CADM2: variants seen among roughly 807,000 people sequenced by gnomAD.
CADM2 encodes immunoglobulin superfamily member 4D.
CADM2 carries 12 observed loss-of-function variants against 49.8 expected under a neutral mutation model. That is an observed-to-expected ratio of 0.24 (90% CI 0.15 to 0.39). The LOEUF is 0.39. Ranked by LOEUF, CADM2 falls within the 10% of genes least tolerant of loss-of-function variation. The pLI, the probability that CADM2 is intolerant of heterozygous loss-of-function variation, is 1.00. For missense variants in CADM2, 378 were observed against 492.3 expected, an observed-to-expected ratio of 0.77 and a Z score of 2.20; for synonymous variants, 214 against 175.4, an observed-to-expected ratio of 1.22 and a Z score of -1.74.
intron 8 of CADM2, 47 bp downstream of exon 8, chr3:85,961,694 G>A (rs768542353): frequency 1.5e-6 from 2 of 1,374,732 alleles, no homozygotes; most frequent in African/African-American, 2.9e-5. Context: ...TGCATAACTT[G>A]AAAAACTATT....
chr3:85,504,495 G>A (rs2107671230), intron 1 of CADM2, among the ~76,000 whole-genome samples: 1 of 152,306 alleles, frequency 6.6e-6, no homozygotes, highest in East Asian at 1.9e-4. Flanking sequence ...ACATCCTGCT[G>A]ATTGGTAGAG....
chr3:85,546,379 A>ATT (rs2061670499), intron 1 of CADM2, among the ~76,000 whole-genome samples: 1 of 152,194 alleles, frequency 6.6e-6, no homozygotes, highest in Admixed American at 6.5e-5. Context: ...TAAACAATTA[A>ATT]AACAGCTAAT....
At chr3:85,151,053 C>T (rs2039907325) in intron 1 of CADM2, among the ~76,000 whole-genome samples, 1 of 151,818 alleles carries the variant, frequency 6.6e-6, no homozygotes, top group African/African-American at 2.4e-5. Flanking sequence ...CTTCCAAGTT[C>T]TGTGAGCAGA....
At chr3:85,057,229 C>A (rs1415432241) in intron 1 of CADM2, among the ~76,000 whole-genome samples, 4 of 151,910 alleles carry the variant, frequency 2.6e-5, no homozygotes, top group Admixed American at 6.6e-5. Flanking sequence ...AGCATATTTG[C>A]CGTGAAAAAA....
In CADM2 at chr3:85,349,421, T is replaced by C. The variant is rs552491039; in HGVS notation, c.62-377101T>C. 3.3e-5 allele frequency among the ~76,000 whole-genome samples: 5 copies of C among 152,312 alleles called. 1 individual carries two copies. The highest frequency in any genetic ancestry group is 9.6e-5 in the African/African-American group (4 of 41,576). On this transcript the variant is annotated intron_variant, in intron 1 of 9. Coordinates refer to ENST00000383699, the MANE Select transcript of CADM2 (RefSeq NM_001167675.2). ...TTCAGGGTATTATTGTTCATTGATG[T>C]TTATCCTAGGCATTTATTTCTAAAG...
chr3:85,134,283 C>G (rs922476592), intron 1 of CADM2, among the ~76,000 whole-genome samples: 1 of 152,216 alleles, frequency 6.6e-6, no homozygotes, highest in Non-Finnish European at 1.5e-5. Flanking sequence ...CGGCTCTGGC[C>G]TTGGCCAGCC....
chr3:85,812,941 G>T (rs2072972623), intron 3 of CADM2, among the ~76,000 whole-genome samples: 1 of 152,110 alleles, frequency 6.6e-6, no homozygotes, highest in African/African-American at 2.4e-5. Flanking sequence ...TCTTTATCCA[G>T]TCTATCATTG....
intron 1 of CADM2, among the ~76,000 whole-genome samples, chr3:85,518,040 TC>T (rs2060944648): frequency 6.6e-6 from 1 of 152,218 alleles, no homozygotes; most frequent in South Asian, 2.1e-4. Flanking sequence ...AGAGTCTCTC[TC>T]TGTTGTCCAG....
intron 8 of CADM2, among the ~76,000 whole-genome samples, chr3:86,049,627 T>C (rs79244818): frequency 0.23 from 35,557 of 151,926 alleles, 4,600 homozygotes; most frequent in African/African-American, 0.34. Flanking sequence ...GTACGAGAAA[T>C]GCGATGCTGC....
chr3:85,771,790 G>T (rs2107955007), intron 2 of CADM2, among the ~76,000 whole-genome samples: 1 of 152,086 alleles, frequency 6.6e-6, no homozygotes, highest in East Asian at 1.9e-4. Flanking sequence ...TTTTCTTCAA[G>T]TTCCATCTCT....
chr3:85,415,602 G>C (rs2035884347), intron 1 of CADM2, among the ~76,000 whole-genome samples: 1 of 152,056 alleles, frequency 6.6e-6, no homozygotes, highest in South Asian at 2.1e-4. Context: ...ATTAGCAGTA[G>C]TATACTTGAA....
chr3:85,819,905 G>A (rs2073446540), intron 3 of CADM2, among the ~76,000 whole-genome samples: 1 of 152,122 alleles, frequency 6.6e-6, no homozygotes, highest in Non-Finnish European at 1.5e-5. Flanking sequence ...TGGTTTGTCT[G>A]AGAGTGCAAA....
intron 1 of CADM2, among the ~76,000 whole-genome samples, chr3:85,254,905 C>T (rs568821006): frequency 1.3e-5 from 2 of 152,098 alleles, no homozygotes; most frequent in Non-Finnish European, 2.9e-5. Context: ...GCGGGTCTCA[C>T]CCAGATGCCA....
chr3:85,199,226 T>C lies in CADM2; in HGVS notation c.61+239558T>C, dbSNP rs2041421918. Among the ~76,000 whole-genome samples, 3 of 152,100 alleles carry C rather than the reference T, an allele frequency of 2.0e-5. No individual in the cohort carries two copies. In the South Asian group the frequency reaches 6.2e-4, roughly 32 times the overall value. On this transcript the variant is annotated intron_variant, in intron 1 of 9. Coordinates refer to ENST00000383699, the MANE Select transcript of CADM2 (RefSeq NM_001167675.2). ...CATGAGCAATTGGTGAGAATAGCTA[T>C]TTGTATTCATTTTAATATGTCTGAA...
intron 1 of CADM2, among the ~76,000 whole-genome samples, chr3:85,219,655 G>T (rs964055722): frequency 1.3e-5 from 2 of 152,024 alleles, no homozygotes; most frequent in South Asian, 2.1e-4. Flanking sequence ...GAATAAAATT[G>T]GTTATATGCT....
intron 1 of CADM2, among the ~76,000 whole-genome samples, chr3:85,420,509 A>T (rs1405380619): frequency 1.3e-5 from 2 of 152,216 alleles, no homozygotes; most frequent in Non-Finnish European, 2.9e-5. Flanking sequence ...GGGGAAAAAA[A>T]TTATAGCCCC....
intron 1 of CADM2, among the ~76,000 whole-genome samples, chr3:85,099,124 C>A (rs1469888445): frequency 6.6e-6 from 1 of 152,106 alleles, no homozygotes; most frequent in Non-Finnish European, 1.5e-5. Context: ...TCCCCAAAAG[C>A]ACACCAAAAT....
chr3:86,053,353 A>G (rs1423332130), intron 8 of CADM2, among the ~76,000 whole-genome samples: 1 of 152,172 alleles, frequency 6.6e-6, no homozygotes, highest in Non-Finnish European at 1.5e-5. Context: ...TTGCGTGTAC[A>G]CTTGACAAAA....
chr3:85,778,528 CT>C (rs2070470573), intron 2 of CADM2, among the ~76,000 whole-genome samples: 1 of 152,030 alleles, frequency 6.6e-6, no homozygotes, highest in Non-Finnish European at 1.5e-5. Context: ...GGCATTTCCC[CT>C]GCTTGCACTC....
Sources: gnomAD v4.1 joint callset for allele counts (sites outside exome capture counted in the v4.1 genomes callset) on GRCh38, gnomAD v4.1.1 for gene constraint, MANE v1.5 for transcripts, NCBI Gene and HGNC (gene_info 2026-07-23, HGNC 2026-07-21) for gene names.